The following ZNF804B variants were observed in gnomAD, a reference collection of about 807,000 sequenced individuals.
ZNF804B encodes the protein zinc finger protein 804B.
Under a neutral mutation model 101.4 loss-of-function variants are expected in ZNF804B, and 80 were observed. The ratio of observed to expected loss-of-function variants is 0.79; its 90% CI spans 0.66 to 0.95. The LOEUF is 0.95. Ranked by LOEUF, ZNF804B falls within the 40% of genes least tolerant of loss-of-function variation. The pLI, the probability that ZNF804B is intolerant of heterozygous loss-of-function variation, is 0.00. For missense variants in ZNF804B, 1,673 were observed against 1,561.9 expected (o/e 1.07, Z -1.20); for synonymous variants, 622 against 558.8 (o/e 1.11, Z -1.59).
intron 2 of ZNF804B, among the ~76,000 whole-genome samples, chr7:89,310,512 G>C (rs1285451239): frequency 6.6e-6 from 1 of 152,114 alleles, no homozygotes; most frequent in South Asian, 2.1e-4. Context: ...TTTTCAAAGA[G>C]AGTTCTATTT....
intron 1 of ZNF804B, among the ~76,000 whole-genome samples, chr7:88,921,193 A>G (rs1792713558): frequency 6.6e-6 from 1 of 152,070 alleles, no homozygotes; most frequent in Non-Finnish European, 1.5e-5. Context: ...TGGTAGATGG[A>G]TAAAGTAGGA....
At chr7:89,282,192 C>A (rs556383261) in intron 2 of ZNF804B, among the ~76,000 whole-genome samples, 4 of 113,514 alleles carry the variant, frequency 3.5e-5, no homozygotes, top group Admixed American at 1.9e-4. Context: ...CAGAGCGAGA[C>A]TCCGTCTAAA....
At chr7:88,987,844 C>T (rs1793786589) in intron 1 of ZNF804B, among the ~76,000 whole-genome samples, 1 of 151,990 alleles carries the variant, frequency 6.6e-6, no homozygotes, top group African/African-American at 2.4e-5. Flanking sequence ...CTACTGAATG[C>T]TGGATCTTAT....
At chr7:89,316,890 C>T (rs1171862043) in intron 2 of ZNF804B, among the ~76,000 whole-genome samples, 1 of 152,160 alleles carries the variant, frequency 6.6e-6, no homozygotes, top group Non-Finnish European at 1.5e-5. Flanking sequence ...GAGTGTGAAA[C>T]AGGAAAAACA....
chr7:88,977,408 A>G (rs1327396703), intron 1 of ZNF804B, among the ~76,000 whole-genome samples: 3 of 151,402 alleles, frequency 2.0e-5, no homozygotes. Flanking sequence ...TTTTTAGTAT[A>G]GCCTCTATTT....
chr7:89,158,237 A>G (rs1312423495), intron 1 of ZNF804B, among the ~76,000 whole-genome samples: 5 of 152,148 alleles, frequency 3.3e-5, no homozygotes, highest in African/African-American at 4.8e-5. Flanking sequence ...AAGTTCTTCA[A>G]TGAAAAAGAT....
At chr7:89,140,468 T>G (rs1251786908) in intron 1 of ZNF804B, among the ~76,000 whole-genome samples, 1 of 152,092 alleles carries the variant, frequency 6.6e-6, no homozygotes, top group Non-Finnish European at 1.5e-5. Context: ...AGAAGGTTCC[T>G]TATGCTACAT....
intron 1 of ZNF804B, among the ~76,000 whole-genome samples, chr7:89,107,348 A>G (rs1790149995): frequency 6.6e-6 from 1 of 152,106 alleles, no homozygotes; most frequent in South Asian, 2.1e-4. Flanking sequence ...CTGCTGCTAG[A>G]TACATTAGTA....
chr7:88,784,899 T>C (rs1030079567), intron 1 of ZNF804B, among the ~76,000 whole-genome samples: 1 of 152,308 alleles, frequency 6.6e-6, no homozygotes, highest in Middle Eastern at 3.4e-3. Flanking sequence ...AATTATGTTA[T>C]CTTAGATTTC....
At chr7:89,285,247 G>A (rs1790165340) in intron 2 of ZNF804B, among the ~76,000 whole-genome samples, 1 of 151,746 alleles carries the variant, frequency 6.6e-6, no homozygotes, top group African/African-American at 2.4e-5. Flanking sequence ...AATAGGCTGG[G>A]CACGGTGGCT....
At chr7:89,231,683 A>C (rs1366281246) in intron 2 of ZNF804B, among the ~76,000 whole-genome samples, 5 of 151,826 alleles carry the variant, frequency 3.3e-5, no homozygotes, top group Non-Finnish European at 5.9e-5. Context: ...TATTTTAGTG[A>C]TTTTTATGCT....
intron 1 of ZNF804B, among the ~76,000 whole-genome samples, chr7:89,020,385 A>T (rs916344111): frequency 1.3e-5 from 2 of 151,980 alleles, no homozygotes; most frequent in East Asian, 3.9e-4. Flanking sequence ...TGAATATATT[A>T]TTCCGTTCTC....
intron 2 of ZNF804B, among the ~76,000 whole-genome samples, chr7:89,284,054 G>A (rs148390444): frequency 3.3e-5 from 5 of 152,198 alleles, no homozygotes; most frequent in East Asian, 1.9e-4. Context: ...TTATCAAAAT[G>A]TACACACACA....
At chr7:88,772,159 C>A (rs934055483) in intron 1 of ZNF804B, among the ~76,000 whole-genome samples, 5 of 152,090 alleles carry the variant, frequency 3.3e-5, no homozygotes, top group African/African-American at 9.7e-5. Flanking sequence ...TTTCAGTATT[C>A]ATGTGCTACA....
intron 1 of ZNF804B, among the ~76,000 whole-genome samples, chr7:88,992,822 T>C (rs1044746932): frequency 2.0e-5 from 3 of 152,090 alleles, no homozygotes; most frequent in African/African-American, 7.2e-5. Flanking sequence ...TTATTTTAAA[T>C]CAGAAAGCTA....
chr7:89,278,515 A>G (rs1562935045), intron 2 of ZNF804B, among the ~76,000 whole-genome samples: 2 of 151,860 alleles, frequency 1.3e-5, no homozygotes, highest in Non-Finnish European at 2.9e-5. Flanking sequence ...TGCATCTTGA[A>G]TTGATTTTTG....
chr7:89,330,122 A>G (rs768924989), intron 3 of ZNF804B, among the ~76,000 whole-genome samples: 2 of 151,690 alleles, frequency 1.3e-5, no homozygotes, highest in Non-Finnish European at 3.0e-5. Context: ...TATTTTCAAA[A>G]CTAAAGAAAG....
In ZNF804B at chr7:89,001,013, GTATAA is replaced by G. The variant is rs200946894; in HGVS notation, c.109-217132_109-217128del. ...AATCTATAATTATATATAATGTATA[GTATAA>G]TATAATATATAATATTATATATATT... On this transcript the variant is annotated intron_variant, in intron 1 of 3. Coordinates refer to ENST00000333190, the MANE Select transcript of ZNF804B (RefSeq NM_181646.5). 7.6e-3 allele frequency among the ~76,000 whole-genome samples: 1,120 copies of G among 146,776 alleles called. 50 individuals are homozygous for G. In the East Asian group the frequency reaches 0.13, roughly 17 times the overall value.
At chr7:88,781,826 G>A (rs1176090914) in intron 1 of ZNF804B, among the ~76,000 whole-genome samples, 1 of 152,078 alleles carries the variant, frequency 6.6e-6, no homozygotes, top group South Asian at 2.1e-4. Context: ...GGTTACTCAG[G>A]CTCTTATTAG....
Sources: allele counts gnomAD v4.1 joint callset (sites outside exome capture counted in the v4.1 genomes callset), GRCh38; gene constraint gnomAD v4.1.1; transcripts MANE v1.5; gene names NCBI Gene and HGNC (gene_info 2026-07-23, HGNC 2026-07-21).